The following SETBP1 variants were observed in gnomAD, a reference collection of about 807,000 sequenced individuals.
The protein encoded by SETBP1 is SET-binding protein.
Under a neutral mutation model 101.0 loss-of-function variants are expected in SETBP1, and 9 were observed. That is an observed-to-expected ratio of 0.09 (90% CI 0.05 to 0.16). SETBP1 has a LOEUF of 0.16. Ranked by LOEUF, SETBP1 falls within the 10% of genes least tolerant of loss-of-function variation. The probability of loss-of-function intolerance (pLI) is 1.00; values close to 1 mark genes in which losing one functional copy is unlikely to be tolerated. For synonymous variants in SETBP1, 818 were observed against 788.5 expected, an observed-to-expected ratio of 1.04 and a Z score of -0.63; for missense variants, 1,858 against 2,033.8, an observed-to-expected ratio of 0.91 and a Z score of 1.66.
chr18:44,713,303 G>A (rs938906649), intron 2 of SETBP1, among the ~76,000 whole-genome samples: 36 of 152,182 alleles, frequency 2.4e-4, no homozygotes, highest in South Asian at 8.3e-4. Flanking sequence ...AACTCCCTAA[G>A]GCATAGTTAT....
chr18:44,755,797 A>G (rs185191550), intron 2 of SETBP1, among the ~76,000 whole-genome samples: 7 of 152,106 alleles, frequency 4.6e-5, no homozygotes, highest in East Asian at 1.9e-4. Context: ...TATATATCCC[A>G]TTTGTCCTGT....
At chr18:44,908,151 C>G (rs1348498237) in intron 3 of SETBP1, among the ~76,000 whole-genome samples, 1 of 152,022 alleles carries the variant, frequency 6.6e-6, no homozygotes. Context: ...ACCTCCGCCT[C>G]CCGGGTTCAA....
intron 4 of SETBP1, among the ~76,000 whole-genome samples, chr18:44,970,366 A>G (rs2071816743): frequency 6.6e-6 from 1 of 152,222 alleles, no homozygotes; most frequent in African/African-American, 2.4e-5. Context: ...AAGTTGTAGC[A>G]TATGTACCTA....
At chr18:45,017,803 C>A (rs1426675153) in intron 4 of SETBP1, among the ~76,000 whole-genome samples, 2 of 152,242 alleles carry the variant, frequency 1.3e-5, no homozygotes, top group Non-Finnish European at 2.9e-5. Flanking sequence ...GTCTGCCCAC[C>A]ACACTGCGTC....
At chr18:44,967,547 T>A (rs2145177236) in intron 4 of SETBP1, among the ~76,000 whole-genome samples, 1 of 152,322 alleles carries the variant, frequency 6.6e-6, no homozygotes, top group South Asian at 2.1e-4. Flanking sequence ...GTGAGTACTC[T>A]GTTTAAGGTC....
At chr18:44,869,467 G>A in intron 3 of SETBP1, 184 bp downstream of exon 3, 1 of 662,802 alleles carries the variant, frequency 1.5e-6, no homozygotes, top group Admixed American at 2.2e-5. Context: ...TTCTAGCATG[G>A]ACAAAACCAC....
chr18:44,983,524 C>T (rs1219940817), intron 4 of SETBP1, among the ~76,000 whole-genome samples: 1 of 152,196 alleles, frequency 6.6e-6, no homozygotes, highest in Non-Finnish European at 1.5e-5. Context: ...AGCCCAATTC[C>T]AGAGCCCATA....
At chr18:44,996,042 A>G (rs1053363372) in intron 4 of SETBP1, among the ~76,000 whole-genome samples, 2 of 152,248 alleles carry the variant, frequency 1.3e-5, no homozygotes, top group Non-Finnish European at 2.9e-5. Context: ...CAACAGGTCC[A>G]CAGTGAAATT....
chr18:44,931,725 G>T (rs2070839046), intron 3 of SETBP1, among the ~76,000 whole-genome samples: 1 of 152,016 alleles, frequency 6.6e-6, no homozygotes, highest in African/African-American at 2.4e-5. Flanking sequence ...ATCTTTGTTG[G>T]TTTAAACTCT....
chr18:44,941,812 T>C (rs1390748546), intron 3 of SETBP1, among the ~76,000 whole-genome samples: 2 of 152,126 alleles, frequency 1.3e-5, no homozygotes, highest in Non-Finnish European at 2.9e-5. Context: ...GAATTTTCAT[T>C]TTATTATTTT....
chr18:44,899,986 A>T (rs2070004057), intron 3 of SETBP1, among the ~76,000 whole-genome samples: 1 of 152,218 alleles, frequency 6.6e-6, no homozygotes, highest in Admixed American at 6.5e-5. Context: ...CAACCCTGCC[A>T]CTGTAGCTTG....
At chr18:44,716,623 T>G (rs1051119909) in intron 2 of SETBP1, among the ~76,000 whole-genome samples, 5 of 152,176 alleles carry the variant, frequency 3.3e-5, no homozygotes, top group Non-Finnish European at 5.9e-5. Flanking sequence ...AGTGCAGTGG[T>G]GCGATCTCGG....
At chr18:44,823,332 A>G (rs1231826202) in intron 2 of SETBP1, among the ~76,000 whole-genome samples, 1 of 152,228 alleles carries the variant, frequency 6.6e-6, no homozygotes, top group African/African-American at 2.4e-5. Flanking sequence ...CTAGTGAAAA[A>G]GATCCATGCT....
chr18:44,770,669 G>A (rs1051538146), intron 2 of SETBP1, among the ~76,000 whole-genome samples: 40 of 152,062 alleles, frequency 2.6e-4, no homozygotes, highest in African/African-American at 8.5e-4. Context: ...AAGATTTAGC[G>A]CCATTCCTTT....
intron 3 of SETBP1, among the ~76,000 whole-genome samples, chr18:44,914,046 G>C (rs2070373495): frequency 6.6e-6 from 1 of 152,200 alleles, no homozygotes; most frequent in African/African-American, 2.4e-5. Context: ...TTTGTCCTTA[G>C]CTGGGGGACA....
At chr18:44,939,360 G>T (rs759161546) in intron 3 of SETBP1, among the ~76,000 whole-genome samples, 3 of 151,612 alleles carry the variant, frequency 2.0e-5, no homozygotes, top group Non-Finnish European at 4.4e-5. Flanking sequence ...GGATCTTGGG[G>T]TCTAGCTTCT....
At chr18:44,875,792 G>C (rs2069389421) in intron 3 of SETBP1, among the ~76,000 whole-genome samples, 1 of 152,174 alleles carries the variant, frequency 6.6e-6, no homozygotes, top group South Asian at 2.1e-4. Flanking sequence ...AGCACACAGA[G>C]GCACGGGGAA....
At chr18:44,758,415 C>T (rs2070554223) in intron 2 of SETBP1, among the ~76,000 whole-genome samples, 1 of 151,158 alleles carries the variant, frequency 6.6e-6, no homozygotes. Flanking sequence ...CGGAGTCTCG[C>T]TCTGTTGCCC....
rs1354732858 is a variant in SETBP1 at position 44,869,339 on chromosome 18, G to T, written c.540+56G>T. 22 of 1,540,672 alleles carry T rather than the reference G, an allele frequency of 1.4e-5. 1 individual carries two copies. Among genetic ancestry groups the T allele is most frequent in the Middle Eastern group, 1.7e-4 (1 of 5,946 alleles). On this transcript the variant is annotated intron_variant, in intron 3 of 5. Transcript: ENST00000649279. ...GGAAGAGTAAAATGATCCAGAGTTT[G>T]GTTGTCAACAAGCACCTTTGGGGCC...
Sources: gnomAD v4.1 joint callset for allele counts (sites outside exome capture counted in the v4.1 genomes callset) on GRCh38, gnomAD v4.1.1 for gene constraint, MANE v1.5 for transcripts, NCBI Gene and HGNC (gene_info 2026-07-23, HGNC 2026-07-21) for gene names.